Variants in NAALADL2 observed in about 807,000 individuals in gnomAD.
NAALADL2 encodes inactive N-acetylated-alpha-linked acidic dipeptidase-like protein 2.
Under a neutral mutation model 87.2 loss-of-function variants are expected in NAALADL2, and 76 were observed. The ratio of observed to expected loss-of-function variants is 0.87; its 90% CI spans 0.72 to 1.05. The LOEUF (loss-of-function observed/expected upper bound fraction) is 1.05, where lower values mean the gene tolerates loss of function less well. Ranked by LOEUF, NAALADL2 falls within the 50% of genes least tolerant of loss-of-function variation. NAALADL2 has a pLI of 0.00. For synonymous variants in NAALADL2, 354 were observed against 331.0 expected (o/e 1.07, Z -0.75); for missense variants, 1,089 against 945.8 (o/e 1.15, Z -1.99).
At chr3:174,612,078 G>A (rs951465192) in intron 2 of NAALADL2, among the ~76,000 whole-genome samples, 3 of 152,060 alleles carry the variant, frequency 2.0e-5, no homozygotes, top group Non-Finnish European at 4.4e-5. Context: ...TCCACATTAA[G>A]AGTTTTATTT....
rs563220005 is a variant in NAALADL2 at position 174,823,234 on chromosome 3, C to T, written c.-9+85488C>T. 2.6e-5 allele frequency among the ~76,000 whole-genome samples: 4 copies of T among 151,674 alleles called. No individual in the cohort carries two copies. In the South Asian group the frequency reaches 8.3e-4, roughly 32 times the overall value. Reference sequence around the variant, plus strand: ...TGTCTGTTTGTTTGCTTGTTTCTTTCCTCTTCTTTTTTTTTTCTTGTAAAG... The same window carrying T: ...TGTCTGTTTGTTTGCTTGTTTCTTTTCTCTTCTTTTTTTTTTCTTGTAAAG... On this transcript the variant is annotated intron_variant, in intron 3 of 3. Coordinates refer to the NAALADL2 transcript ENST00000434257.
rs1335543620 is a variant in NAALADL2, at chr3:174,594,051, A to T, written c.-115+43414A>T. 6.6e-5 allele frequency among the ~76,000 whole-genome samples: 10 copies of T among 152,140 alleles called. No individual in the cohort carries two copies. The East Asian group carries it at 1.9e-3, about 29-fold the overall frequency. Reference sequence around the variant, plus strand: ...TACAGATGTCTAAATTCAATGGTTCACTTGTTTTAGATTGCAAATAGCTAA... The same window carrying T: ...TACAGATGTCTAAATTCAATGGTTCTCTTGTTTTAGATTGCAAATAGCTAA... On this transcript the variant is annotated intron_variant, in intron 2 of 3. Transcript: ENST00000434257.
chr3:175,055,569 G>C (rs900424532), intron 1 of NAALADL2, among the ~76,000 whole-genome samples: 11 of 152,204 alleles, frequency 7.2e-5, no homozygotes, highest in Non-Finnish European at 1.3e-4. Flanking sequence ...AAATGCCCCA[G>C]TTTGGAATGG....
In NAALADL2 at chr3:175,324,351, T is replaced by C. The variant is rs200396018; in HGVS notation, c.1090+26T>C. The stretch of plus-strand genomic sequence containing the variant: ...GTAAGTTTGTTGGTCATCATTATTA[T>C]ACTTGTAAGTAAGCATTACAAGGTT... On this transcript the variant is annotated intron_variant, in intron 5 of 13. Coordinates refer to ENST00000454872, the MANE Select transcript of NAALADL2 (RefSeq NM_207015.3). The C allele has an allele frequency of 1.4e-5, 23 of 1,591,494 alleles. No homozygotes were observed. The East Asian group carries it at 2.3e-4, about 16-fold the overall frequency.
At chr3:175,491,777 C>G (rs1426069409) in intron 9 of NAALADL2, among the ~76,000 whole-genome samples, 1 of 152,086 alleles carries the variant, frequency 6.6e-6, no homozygotes, top group Non-Finnish European at 1.5e-5. Context: ...GCTGTCAGCA[C>G]CTACAATCTA....
intron 2 of NAALADL2, among the ~76,000 whole-genome samples, chr3:175,225,197 A>G (rs1337204524): frequency 1.3e-5 from 2 of 152,208 alleles, no homozygotes; most frequent in Admixed American, 6.5e-5. Flanking sequence ...AATTATTTTA[A>G]AAATATATCT....
In NAALADL2 at chr3:175,324,226, C is replaced by T. The variant is rs573818026; in HGVS notation, c.991C>T (p.Pro331Ser). ...TGGAGGTGTTCTTCTGTATATCGAT[C>T]CTTGTGATTTGCCAAAGACTGTGAA... ...GFGGVLLYID[P>S]CDLPKTVNPS... is the part of the protein sequence containing the mutation. The change falls in exon 5 of 14, where the codon CCT becomes TCT. Residue 331 changes from proline (P) to serine (S), a missense_variant. By Grantham distance (74) the Pro-to-Ser change is moderately conservative. Transcript: ENST00000454872. The T allele has an allele frequency of 6.2e-6, 10 of 1,613,548 alleles. No homozygotes were observed. The East Asian group carries it at 2.2e-4, about 36-fold the overall frequency.
At chr3:174,972,064 A>C (rs1379801661) in intron 1 of NAALADL2, among the ~76,000 whole-genome samples, 1 of 151,962 alleles carries the variant, frequency 6.6e-6, no homozygotes, top group Non-Finnish European at 1.5e-5. Flanking sequence ...CTGCCCATGA[A>C]CACCCTACCT....
At position 175,034,919 on chromosome 3, in the gene NAALADL2, T is replaced by C. The variant is rs933895638; in HGVS notation, c.44-61871T>C. Among the ~76,000 whole-genome samples the C allele has an allele frequency of 3.3e-5, 5 of 152,320 alleles. 1 individual carries two copies. Among genetic ancestry groups the C allele is most frequent in the Non-Finnish European group, 7.3e-5 (5 of 68,036 alleles). On this transcript the variant is annotated intron_variant, in intron 1 of 13. Coordinates refer to ENST00000454872, the MANE Select transcript of NAALADL2 (RefSeq NM_207015.3). ...CTTTTATATATTTCTTTAATGTGTG[T>C]CTTCTCTCATTAAAATATAACCTCA...
At chr3:174,962,470 A>C (rs1280077473) in intron 1 of NAALADL2, among the ~76,000 whole-genome samples, 1 of 138,872 alleles carries the variant, frequency 7.2e-6, no homozygotes, top group African/African-American at 3.1e-5. Context: ...TTAACTGTGA[A>C]AAGTTTGCTC....
chr3:175,363,284 G>T (rs531843305), intron 5 of NAALADL2, among the ~76,000 whole-genome samples: 1 of 147,468 alleles, frequency 6.8e-6, no homozygotes, highest in African/African-American at 2.5e-5. Flanking sequence ...GTTCTTTCAA[G>T]TTGTTTTCTT....
intron 1 of NAALADL2, among the ~76,000 whole-genome samples, chr3:174,546,807 G>A (rs760655767): frequency 5.2e-4 from 79 of 152,186 alleles, no homozygotes; most frequent in Admixed American, 3.1e-3. Context: ...ACAGGTGTGT[G>A]CCAACACACC....
chr3:175,215,232 A>G (rs1432794442), intron 2 of NAALADL2, among the ~76,000 whole-genome samples: 1 of 152,228 alleles, frequency 6.6e-6, no homozygotes, highest in Non-Finnish European at 1.5e-5. Context: ...GTGAACATTT[A>G]TAAGTCATGA....
At chr3:175,242,547 C>T (rs902551975) in intron 3 of NAALADL2, 4 of 152,152 alleles carry the variant, frequency 2.6e-5, no homozygotes, top group Non-Finnish European at 5.9e-5. Flanking sequence ...ATTTGCAACT[C>T]CTTCAATACA....
chr3:175,542,800 T>C (rs1712603463), intron 9 of NAALADL2, among the ~76,000 whole-genome samples: 1 of 152,224 alleles, frequency 6.6e-6, no homozygotes, highest in African/African-American at 2.4e-5. Flanking sequence ...TGTATGTTAA[T>C]TCTGAAATAT....
At chr3:174,492,427 T>C (rs1310238233) in intron 1 of NAALADL2, among the ~76,000 whole-genome samples, 2 of 152,210 alleles carry the variant, frequency 1.3e-5, no homozygotes, top group African/African-American at 4.8e-5. Flanking sequence ...ATCGGTTTTT[T>C]CTAGCACTAA....
intron 1 of NAALADL2, among the ~76,000 whole-genome samples, chr3:174,505,055 A>G (rs1356366281): frequency 6.6e-6 from 1 of 152,200 alleles, no homozygotes; most frequent in Non-Finnish European, 1.5e-5. Context: ...TAAAAAACTT[A>G]AAATATACTG....
chr3:175,803,371 G>A lies in NAALADL2; in HGVS notation c.*168G>A. ...AATGTAAATATAGAAAGAACATTTTGCACATTTAATATTTTTCTTATATCT... is the reference window on the plus strand; with the variant it reads ...AATGTAAATATAGAAAGAACATTTTACACATTTAATATTTTTCTTATATCT... On this transcript the variant is annotated 3_prime_UTR_variant, in exon 14 of 14. Transcript: ENST00000454872. 2 of 432,846 alleles carry A rather than the reference G, an allele frequency of 4.6e-6. No homozygotes were observed. Among genetic ancestry groups the A allele is most frequent in the Non-Finnish European group, 8.1e-6 (2 of 246,958 alleles). 26.8% of individuals were successfully genotyped at this position (432,846 alleles called of 1,614,324 possible).
intron 11 of NAALADL2, among the ~76,000 whole-genome samples, chr3:175,712,780 C>T (rs542887859): frequency 5.1e-4 from 78 of 152,098 alleles, no homozygotes; most frequent in African/African-American, 1.8e-3. Flanking sequence ...GTTTGTTGTT[C>T]ATAAGCCACC....
Sources: gnomAD v4.1 joint callset for allele counts (sites outside exome capture counted in the v4.1 genomes callset) on GRCh38, gnomAD v4.1.1 for gene constraint, MANE v1.5 for transcripts, NCBI Gene and HGNC (gene_info 2026-07-23, HGNC 2026-07-21) for gene names.